CDH12: variants seen among roughly 807,000 people sequenced by gnomAD.
The protein encoded by CDH12 is cadherin 12.
A neutral mutation model predicts 74.1 loss-of-function variants in CDH12; 41 were observed. The observed-to-expected ratio is 0.55, with a 90% confidence interval of 0.43 to 0.72. The LOEUF is 0.72. CDH12 is among the 30% of genes least tolerant of loss of function. The probability of loss-of-function intolerance (pLI) is 0.00; values close to 1 mark genes in which losing one functional copy is unlikely to be tolerated. For synonymous variants in CDH12, 399 were observed against 355.0 expected (o/e 1.12, Z -1.39); for missense variants, 945 against 977.2 (o/e 0.97, Z 0.44).
In CDH12 at chr5:21,850,036, A is replaced by G. The variant is rs554207808; in HGVS notation, c.646+4635T>C. Among the ~76,000 whole-genome samples the G allele has an allele frequency of 9.9e-4, 150 of 151,816 alleles. 1 individual carries two copies. The highest frequency in any genetic ancestry group is 3.5e-3 in the African/African-American group (144 of 41,504). On this transcript the variant is annotated intron_variant, in intron 7 of 14. Transcript: ENST00000382254. The stretch of plus-strand genomic sequence containing the variant: ...GGCCTGGGGGACAGTGTTCTAAGTG[A>G]AATAAGCCAGGCATATAAATAAAAA...
At chr5:22,013,256 C>T (rs1046369976) in intron 5 of CDH12, among the ~76,000 whole-genome samples, 1 of 152,042 alleles carries the variant, frequency 6.6e-6, no homozygotes, top group Non-Finnish European at 1.5e-5. Context: ...GGAGAAGTGC[C>T]GAGCAAAGCA....
chr5:22,801,805 A>G (rs1748544246), intron 1 of CDH12, among the ~76,000 whole-genome samples: 1 of 151,328 alleles, frequency 6.6e-6, no homozygotes, highest in African/African-American at 2.4e-5. Flanking sequence ...TTTCTCTGGT[A>G]TCACTATAGT....
chr5:21,942,359 C>T (rs371825108), intron 6 of CDH12, among the ~76,000 whole-genome samples: 23,382 of 130,626 alleles, frequency 0.18, 2,869 homozygotes, highest in African/African-American at 0.37. Context: ...CACACACACA[C>T]ACACACACAC....
intron 6 of CDH12, among the ~76,000 whole-genome samples, chr5:21,910,901 G>A (rs371228832): frequency 2.6e-5 from 4 of 152,190 alleles, no homozygotes; most frequent in South Asian, 2.1e-4. Flanking sequence ...GGGTAAGGGA[G>A]CTAGAGGACT....
intron 8 of CDH12, among the ~76,000 whole-genome samples, chr5:21,835,945 A>G (rs1454280196): frequency 6.6e-6 from 1 of 151,844 alleles, no homozygotes; most frequent in Non-Finnish European, 1.5e-5. Context: ...TATGTCATAA[A>G]TCTACAGGAG....
intron 1 of CDH12, among the ~76,000 whole-genome samples, chr5:22,763,689 T>C (rs976794509): frequency 3.3e-5 from 5 of 151,972 alleles, no homozygotes; most frequent in Admixed American, 1.3e-4. Flanking sequence ...ATGGGCTCTT[T>C]TTCCCATCAT....
chr5:22,231,448 T>A (rs967446242), intron 3 of CDH12, among the ~76,000 whole-genome samples: 1 of 152,004 alleles, frequency 6.6e-6, no homozygotes, highest in Non-Finnish European at 1.5e-5. Context: ...GATTTTATGT[T>A]TAATACTACT....
intron 6 of CDH12, among the ~76,000 whole-genome samples, chr5:21,962,980 T>C (rs1371238285): frequency 1.3e-5 from 2 of 152,118 alleles, no homozygotes; most frequent in Admixed American, 6.6e-5. Flanking sequence ...ACACTTATTC[T>C]GGCTTCTGTA....
rs1237357628 is a variant in CDH12 at position 22,612,971 on chromosome 5, T to C, written c.-522-107607A>G. On this transcript the variant is annotated intron_variant, in intron 1 of 14. Coordinates refer to ENST00000382254, the MANE Select transcript of CDH12 (RefSeq NM_004061.5). Reference sequence around the variant, plus strand: ...AAATCTACAGATAATGAAGATGGAGTGTAGCAGAGCACAAATGTTTCCTTA... The same window carrying C: ...AAATCTACAGATAATGAAGATGGAGCGTAGCAGAGCACAAATGTTTCCTTA... 5.3e-5 allele frequency among the ~76,000 whole-genome samples: 8 copies of C among 151,998 alleles called. No homozygotes were observed. In the East Asian group the frequency reaches 1.5e-3, roughly 29 times the overall value.
At chr5:22,071,617 G>A (rs190871421) in intron 5 of CDH12, among the ~76,000 whole-genome samples, 4 of 151,738 alleles carry the variant, frequency 2.6e-5, no homozygotes, top group African/African-American at 4.8e-5. Context: ...AAAAATCAGG[G>A]TTCTCTTAAA....
intron 1 of CDH12, among the ~76,000 whole-genome samples, chr5:22,849,303 A>G (rs1210219857): frequency 6.6e-6 from 1 of 152,126 alleles, no homozygotes; most frequent in Non-Finnish European, 1.5e-5. Flanking sequence ...GTCTGACTCA[A>G]GTTTTGAACT....
At position 21,878,761 on chromosome 5, in the gene CDH12, A is replaced by T. The variant is rs186741325; in HGVS notation, c.527-23971T>A. ...AGTAAGAGACCCTGTTGAAAGAAGAAAAGAAAGAAAGAAAAGAAAGAAAAA... is the reference window on the plus strand; with the variant it reads ...AGTAAGAGACCCTGTTGAAAGAAGATAAGAAAGAAAGAAAAGAAAGAAAAA... On this transcript the variant is annotated intron_variant, in intron 6 of 14. Coordinates refer to ENST00000382254, the MANE Select transcript of CDH12 (RefSeq NM_004061.5). Among the ~76,000 whole-genome samples the T allele has an allele frequency of 2.9e-3, 398 of 138,768 alleles. 1 individual carries two copies. The highest frequency in any genetic ancestry group is 9.2e-3 in the African/African-American group (368 of 39,892). The allele number at this position is 138,768 out of a possible 152,430, so 91.0% of individuals were successfully genotyped here.
At chr5:22,664,707 A>G (rs966115383) in intron 1 of CDH12, among the ~76,000 whole-genome samples, 1 of 152,144 alleles carries the variant, frequency 6.6e-6, no homozygotes, top group African/African-American at 2.4e-5. Flanking sequence ...ATAACTACGT[A>G]AGGTTGTTAT....
At chr5:22,492,715 C>T (rs1200025027) in intron 2 of CDH12, among the ~76,000 whole-genome samples, 1 of 152,098 alleles carries the variant, frequency 6.6e-6, no homozygotes, top group Non-Finnish European at 1.5e-5. Context: ...CTTATATTGG[C>T]TTTATTTGCA....
At chr5:21,977,571 T>C (rs1395889833) in intron 5 of CDH12, among the ~76,000 whole-genome samples, 1 of 152,112 alleles carries the variant, frequency 6.6e-6, no homozygotes, top group Non-Finnish European at 1.5e-5. Flanking sequence ...ACAAGTAGAA[T>C]TTTAAAAAGA....
At chr5:22,306,381 G>GGA (rs35900801) in intron 3 of CDH12, among the ~76,000 whole-genome samples, 1,594 of 150,316 alleles carry the variant, frequency 0.011, 33 homozygotes, top group African/African-American at 0.037. Context: ...GGGAGGGAAG[G>GGA]GAGAGAGAGA....
intron 5 of CDH12, among the ~76,000 whole-genome samples, chr5:22,000,233 A>AT (rs1736523734): frequency 6.6e-6 from 1 of 152,078 alleles, no homozygotes; most frequent in Non-Finnish European, 1.5e-5. Flanking sequence ...AAGCTCTGGG[A>AT]TTACAGGTGT....
chr5:21,988,602 T>C (rs181088957), intron 5 of CDH12, among the ~76,000 whole-genome samples: 1 of 150,264 alleles, frequency 6.7e-6, no homozygotes, highest in East Asian at 2.0e-4. Context: ...AGGATATCCA[T>C]GGACATTCCC....
At chr5:22,710,177 A>G (rs892747655) in intron 1 of CDH12, among the ~76,000 whole-genome samples, 1 of 152,206 alleles carries the variant, frequency 6.6e-6, no homozygotes, top group African/African-American at 2.4e-5. Context: ...TTTCCTAAGT[A>G]CAGAAATCAA....
Sources: allele counts gnomAD v4.1 joint callset (sites outside exome capture counted in the v4.1 genomes callset), GRCh38; gene constraint gnomAD v4.1.1; transcripts MANE v1.5; gene names NCBI Gene and HGNC (gene_info 2026-07-23, HGNC 2026-07-21).